Variants in ABCB11 observed in about 807,000 individuals in gnomAD.
ABCB11 encodes ATP binding cassette subfamily B member 11.
In ABCB11, 95 loss-of-function variants were observed where a neutral mutation model predicts 148.0. The ratio of observed to expected loss-of-function variants is 0.64; its 90% confidence interval spans 0.54 to 0.76. ABCB11 has a LOEUF of 0.76. Ranked by LOEUF, ABCB11 falls within the 30% of genes least tolerant of loss-of-function variation. ABCB11 has a pLI of 0.00. For missense variants in ABCB11, 1,523 were observed against 1,617.8 expected (o/e 0.94, Z 1.01); for synonymous variants, 591 against 555.4 (o/e 1.06, Z -0.90).
rs190754127 is a variant in ABCB11 at position 168,940,103 on chromosome 2, G to A, written c.2611-3670C>T. Among the ~76,000 whole-genome samples, 14 of 152,014 alleles carry A rather than the reference G, an allele frequency of 9.2e-5. No individual in the cohort carries two copies. The East Asian group carries it at 2.7e-3, about 30-fold the overall frequency. ...TATTGAAATTAGGCCAACTAATAAC[G>A]CTACCTTGGCCTCTAAGTGTTCAAG... is the stretch of plus-strand genomic sequence containing the variant. On this transcript the variant is annotated intron_variant, in intron 21 of 27. Coordinates refer to ENST00000650372, the MANE Select transcript of ABCB11 (RefSeq NM_003742.4).
intron 19 of ABCB11, among the ~76,000 whole-genome samples, chr2:168,951,743 T>G (rs1447420131): frequency 6.6e-6 from 1 of 151,654 alleles, no homozygotes; most frequent in Non-Finnish European, 1.5e-5. Flanking sequence ...TTTTATTTTT[T>G]TTCTCTTGCC....
chr2:168,999,271 C>G (rs1452824013), intron 5 of ABCB11, among the ~76,000 whole-genome samples: 2 of 149,066 alleles, frequency 1.3e-5, no homozygotes. Flanking sequence ...GTTTTGGAAA[C>G]TTTTTACCTT....
intron 23 of ABCB11, among the ~76,000 whole-genome samples, chr2:168,933,510 T>G (rs773304396): frequency 2.6e-5 from 4 of 152,226 alleles, no homozygotes; most frequent in Admixed American, 6.5e-5. Flanking sequence ...TGCACTGTCA[T>G]GCACAGAGGG....
At chr2:168,989,408 T>A (rs1694437435) in intron 9 of ABCB11, among the ~76,000 whole-genome samples, 1 of 152,086 alleles carries the variant, frequency 6.6e-6, no homozygotes, top group African/African-American at 2.4e-5. Flanking sequence ...GTGTTGTTGG[T>A]CTCTTTATTG....
At chr2:168,919,440 G>C (rs569546521), downstream of ABCB11, among the ~76,000 whole-genome samples, 1 of 151,912 alleles carries the variant, frequency 6.6e-6, no homozygotes, top group Non-Finnish European at 1.5e-5. Context: ...GTTTTTCTGG[G>C]GGACATTCCT....
chr2:168,943,388 C>T (rs146159319), intron 21 of ABCB11, among the ~76,000 whole-genome samples: 8 of 151,678 alleles, frequency 5.3e-5, no homozygotes, highest in East Asian at 3.9e-4. Context: ...GTGGCAAGCT[C>T]GATATAAAAT....
chr2:168,937,636 A>C (rs1691889016), intron 21 of ABCB11, among the ~76,000 whole-genome samples: 1 of 152,226 alleles, frequency 6.6e-6, no homozygotes, highest in Non-Finnish European at 1.5e-5. Flanking sequence ...GGCTTGTTTG[A>C]AGATATCCAG....
In ABCB11 at chr2:169,017,879, G is replaced by A. The variant is rs1204816050; in HGVS notation, c.76+171C>T. 20 of 768,346 alleles carry A rather than the reference G, an allele frequency of 2.6e-5. 1 individual carries two copies. Among genetic ancestry groups the A allele is most frequent in the African/African-American group, 5.1e-5 (3 of 59,030 alleles). 47.6% of individuals were successfully genotyped at this position (768,346 alleles called of 1,614,324 possible). ...CTTACCTAGTGCTTTCAGATATTACGTTACATGGATTCTAGGGAGAGCCAC... is the reference window on the plus strand; with the variant it reads ...CTTACCTAGTGCTTTCAGATATTACATTACATGGATTCTAGGGAGAGCCAC... On this transcript the variant is annotated intron_variant, in intron 2 of 27. Coordinates refer to ENST00000650372, the MANE Select transcript of ABCB11 (RefSeq NM_003742.4).
At chr2:168,945,260 G>T (rs1692252243) in intron 19 of ABCB11, among the ~76,000 whole-genome samples, 1 of 151,752 alleles carries the variant, frequency 6.6e-6, no homozygotes. Flanking sequence ...CTCTAATTTT[G>T]CTGTAAACCT....
intron 19 of ABCB11, among the ~76,000 whole-genome samples, chr2:168,953,960 G>A (rs1024854028): frequency 2.6e-5 from 4 of 151,618 alleles, no homozygotes; most frequent in Admixed American, 2.6e-4. Context: ...CCTTACATAT[G>A]TTGATTGATG....
intron 7 of ABCB11, among the ~76,000 whole-genome samples, chr2:168,994,293 G>A (rs1009872903): frequency 6.6e-6 from 1 of 152,066 alleles, no homozygotes; most frequent in African/African-American, 2.4e-5. Context: ...CCAAGAAGAA[G>A]TAACACCTTT....
downstream of ABCB11, among the ~76,000 whole-genome samples, chr2:168,918,015 A>G (rs957344138): frequency 3.3e-5 from 5 of 150,794 alleles, no homozygotes; most frequent in Non-Finnish European, 1.5e-5. Flanking sequence ...ATATACAATT[A>G]GCATAAATTT....
intron 1 of ABCB11, among the ~76,000 whole-genome samples, chr2:169,018,811 A>T (rs1695446293): frequency 6.6e-6 from 1 of 152,160 alleles, no homozygotes; most frequent in South Asian, 2.1e-4. Context: ...CTCTGCTTCA[A>T]ATATATAGCA....
chr2:168,973,603 C>T (rs2105967544), intron 13 of ABCB11, 112 bp downstream of exon 13: 1 of 1,301,952 alleles, frequency 7.7e-7, no homozygotes, highest in East Asian at 2.5e-5. Flanking sequence ...ATTAAGTTAA[C>T]TATGCATGCC....
In ABCB11 at chr2:168,922,261, C is replaced by T. The variant is rs1431982061; in HGVS notation, c.*1361G>A. 6.6e-6 allele frequency among the ~76,000 whole-genome samples: 1 copy of T among 152,150 alleles called. No homozygotes were observed. Among genetic ancestry groups the T allele is most frequent in the Non-Finnish European group, 1.5e-5 (1 of 68,020 alleles). On this transcript the variant is annotated 3_prime_UTR_variant, in exon 28 of 28. Coordinates refer to ENST00000650372, the MANE Select transcript of ABCB11 (RefSeq NM_003742.4). Reference sequence around the variant, plus strand: ...CATACACAGCTTTACATTCAATCCCCCTGTCTCTTGTATGTTAGCTGCCCC... The same window carrying T: ...CATACACAGCTTTACATTCAATCCCTCTGTCTCTTGTATGTTAGCTGCCCC...
At chr2:168,918,953 A>G (rs1036939838), downstream of ABCB11, among the ~76,000 whole-genome samples, 2 of 152,110 alleles carry the variant, frequency 1.3e-5, no homozygotes, top group African/African-American at 4.8e-5. Flanking sequence ...TGAAAGATAT[A>G]TATGTACATA....
chr2:168,982,783 CGA>C (rs989246756), intron 10 of ABCB11, among the ~76,000 whole-genome samples: 10 of 148,622 alleles, frequency 6.7e-5, no homozygotes, highest in Non-Finnish European at 1.0e-4. Flanking sequence ...AGAGAGCGAG[CGA>C]GAGAGAGAGA....
chr2:169,022,719 C>A (rs775798359), intron 1 of ABCB11, among the ~76,000 whole-genome samples: 5 of 151,804 alleles, frequency 3.3e-5, no homozygotes, highest in Non-Finnish European at 7.4e-5. Flanking sequence ...ATAATTTTGA[C>A]ATCAAAACAA....
intron 19 of ABCB11, among the ~76,000 whole-genome samples, chr2:168,956,587 C>A (rs1462500697): frequency 2.0e-5 from 3 of 151,574 alleles, no homozygotes; most frequent in Non-Finnish European, 4.4e-5. Flanking sequence ...CAGTAGACCA[C>A]AACAGCATGG....
Sources: gnomAD v4.1 joint callset for allele counts (sites outside exome capture counted in the v4.1 genomes callset) on GRCh38, gnomAD v4.1.1 for gene constraint, MANE v1.5 for transcripts, NCBI Gene and HGNC (gene_info 2026-07-23, HGNC 2026-07-21) for gene names.